PTK2: variants seen among roughly 807,000 people sequenced by gnomAD.
PTK2 encodes protein tyrosine kinase 2.
Under a neutral mutation model 150.1 loss-of-function variants are expected in PTK2, and 45 were observed. That is an observed-to-expected ratio of 0.30 (90% CI 0.24 to 0.38). The LOEUF is 0.38. PTK2 is among the 10% of genes least tolerant of loss of function. The pLI is 1.00. For synonymous variants in PTK2, 432 were observed against 449.2 expected (o/e 0.96, Z 0.48); for missense variants, 919 against 1,307.3 (o/e 0.70, Z 4.58).
intron 16 of PTK2, among the ~76,000 whole-genome samples, chr8:140,754,312 A>C (rs1268839939): frequency 3.3e-5 from 5 of 152,220 alleles, no homozygotes; most frequent in Non-Finnish European, 7.3e-5. Flanking sequence ...CAACCTTAGA[A>C]TCATTAACCG....
chr8:140,954,139 C>A (rs957996208), intron 1 of PTK2, among the ~76,000 whole-genome samples: 6 of 152,100 alleles, frequency 3.9e-5, no homozygotes, highest in African/African-American at 9.7e-5. Flanking sequence ...AACATCACGT[C>A]TGGCTAATTT....
chr8:140,965,476 G>A lies in PTK2; in HGVS notation c.-122+35649C>T, dbSNP rs1029681537. 5.3e-5 allele frequency among the ~76,000 whole-genome samples: 8 copies of A among 152,126 alleles called. No homozygotes were observed. In the East Asian group the frequency reaches 7.7e-4, roughly 15 times the overall value. On this transcript the variant is annotated intron_variant, in intron 1 of 31. Coordinates refer to ENST00000522684, the Ensembl canonical transcript of PTK2. ...ACTGCACAAGGTATTGGACATGCACGGTACCAGAGACATGACCCTACCCCA... is the reference window on the plus strand; with the variant it reads ...ACTGCACAAGGTATTGGACATGCACAGTACCAGAGACATGACCCTACCCCA...
intron 1 of PTK2, among the ~76,000 whole-genome samples, chr8:140,978,560 G>T (rs1322136668): frequency 2.0e-5 from 3 of 148,876 alleles, no homozygotes; most frequent in African/African-American, 7.4e-5. Context: ...ACCACAATGA[G>T]ATACCATCTC....
chr8:140,856,519 C>T (rs2100132748), intron 5 of PTK2, among the ~76,000 whole-genome samples: 1 of 152,136 alleles, frequency 6.6e-6, no homozygotes, highest in Non-Finnish European at 1.5e-5. Flanking sequence ...AGAAACTTCA[C>T]ATAAAAATAC....
At chr8:140,753,670 T>C (rs914240550) in intron 16 of PTK2, among the ~76,000 whole-genome samples, 2 of 152,060 alleles carry the variant, frequency 1.3e-5, no homozygotes, top group African/African-American at 4.8e-5. Flanking sequence ...AAAAAGTCAT[T>C]ATGCACACTT....
chr8:140,835,062 CT>C (rs1322545919), intron 7 of PTK2, among the ~76,000 whole-genome samples: 3 of 152,218 alleles, frequency 2.0e-5, no homozygotes, highest in Non-Finnish European at 4.4e-5. Context: ...CTCTCCCCAC[CT>C]GCACCAGCTG....
intron 2 of PTK2, among the ~76,000 whole-genome samples, chr8:140,907,913 C>T (rs1335762973): frequency 7.6e-6 from 1 of 131,980 alleles, no homozygotes; most frequent in African/African-American, 2.5e-5. Context: ...GAAATTAGGC[C>T]AATTAATAAC....
chr8:140,675,365 T>G, intron 28 of PTK2, 95 bp downstream of exon 31: 8 of 1,341,520 alleles, frequency 6.0e-6, no homozygotes, highest in African/African-American at 1.4e-5. Flanking sequence ...AAATTAACCA[T>G]GAGGGTATTC....
intron 1 of PTK2, among the ~76,000 whole-genome samples, chr8:140,964,547 ATTTTTTTT>A (rs1025644210): frequency 1.0e-3 from 80 of 76,848 alleles, no homozygotes; most frequent in East Asian, 1.6e-3. Flanking sequence ...GCCCCAGGTA[ATTTTTTTT>A]TTTTTTTTTT....
chr8:140,781,390 C>T (rs922103382), intron 14 of PTK2, among the ~76,000 whole-genome samples: 1 of 152,084 alleles, frequency 6.6e-6, no homozygotes, highest in Non-Finnish European at 1.5e-5. Context: ...CCCAATACTG[C>T]CAACTGTGAA....
At chr8:140,717,095 C>T (rs943990033) in intron 23 of PTK2, among the ~76,000 whole-genome samples, 1 of 152,172 alleles carries the variant, frequency 6.6e-6, no homozygotes, top group Non-Finnish European at 1.5e-5. Context: ...AAAGCAACTG[C>T]AATGTGCTCT....
intron 23 of PTK2, among the ~76,000 whole-genome samples, chr8:140,710,638 T>C (rs947891076): frequency 6.6e-5 from 10 of 152,158 alleles, no homozygotes; most frequent in Admixed American, 2.0e-4. Flanking sequence ...ACCATGGCAC[T>C]GCAGCCTGGG....
At chr8:140,741,645 T>C (rs902481015) in intron 20 of PTK2, among the ~76,000 whole-genome samples, 3 of 152,044 alleles carry the variant, frequency 2.0e-5, no homozygotes, top group African/African-American at 7.2e-5. Context: ...AGAAAGAAAC[T>C]GGCCTTTGTA....
At chr8:140,855,939 G>C (rs964996142) in intron 5 of PTK2, among the ~76,000 whole-genome samples, 1 of 152,100 alleles carries the variant, frequency 6.6e-6, no homozygotes, top group Non-Finnish European at 1.5e-5. Flanking sequence ...ATGATGGTAA[G>C]TGTGTGTTCT....
intron 1 of PTK2, among the ~76,000 whole-genome samples, chr8:140,961,444 A>AG (rs2100183132): frequency 2.6e-5 from 4 of 152,086 alleles, no homozygotes; most frequent in Admixed American, 2.6e-4. Context: ...AGTGGATCAC[A>AG]AGGTCAGGAG....
intron 17 of PTK2, among the ~76,000 whole-genome samples, chr8:140,751,520 A>T (rs2100062667): frequency 6.7e-6 from 1 of 148,516 alleles, no homozygotes; most frequent in Non-Finnish European, 1.5e-5. Flanking sequence ...TGAGGCAGAG[A>T]TTGCTCTATT....
In PTK2 at chr8:140,830,828, A is replaced by G. The variant is rs144598972; in HGVS notation, c.594-302T>C. ...AAAATATTCCCTCTTTGTAAATTAT[A>G]GTGTATTAAAAACTGTCCTTTTTCA... On this transcript the variant is annotated intron_variant, in intron 7 of 31. Coordinates refer to ENST00000522684, the Ensembl canonical transcript of PTK2. Among the ~76,000 whole-genome samples, 29 of 152,310 alleles carry G rather than the reference A, an allele frequency of 1.9e-4. No homozygotes were observed. The East Asian group carries it at 5.6e-3, about 29-fold the overall frequency.
chr8:140,755,780 A>G (rs2100065321), intron 16 of PTK2, among the ~76,000 whole-genome samples: 1 of 152,176 alleles, frequency 6.6e-6, no homozygotes, highest in African/African-American at 2.4e-5. Flanking sequence ...AAATTGCTCA[A>G]AGAATTAACT....
At chr8:140,816,063 T>C (rs2100104524) in intron 10 of PTK2, among the ~76,000 whole-genome samples, 1 of 152,192 alleles carries the variant, frequency 6.6e-6, no homozygotes, top group Non-Finnish European at 1.5e-5. Context: ...ATTATTCTTT[T>C]GCTGATTACA....
Sources: allele counts gnomAD v4.1 joint callset (sites outside exome capture counted in the v4.1 genomes callset), GRCh38; gene constraint gnomAD v4.1.1; transcripts MANE v1.5; gene names NCBI Gene and HGNC (gene_info 2026-07-23, HGNC 2026-07-21).